The following STK3 variants were observed in gnomAD, a reference collection of about 807,000 sequenced individuals.
STK3 encodes the protein serine/threonine kinase 3, also known as serine/threonine-protein kinase 3.
Under a neutral mutation model 58.0 loss-of-function variants are expected in STK3, and 41 were observed. That is an observed-to-expected ratio of 0.71 (90% CI 0.55 to 0.92). The LOEUF (loss-of-function observed/expected upper bound fraction) is 0.92. Ranked by LOEUF, STK3 falls within the 40% of genes least tolerant of loss-of-function variation. The pLI, the probability that STK3 is intolerant of heterozygous loss-of-function variation, is 0.00. For synonymous variants in STK3, 170 were observed against 191.0 expected (o/e 0.89, Z 0.91); for missense variants, 479 against 602.7 (o/e 0.79, Z 2.15).
At chr8:98,447,047 T>C (rs1224208808) in intron 1 of STK3, among the ~76,000 whole-genome samples, 1 of 152,008 alleles carries the variant, frequency 6.6e-6, no homozygotes, top group Non-Finnish European at 1.5e-5. Flanking sequence ...TGAGAACACA[T>C]GGACACATAG....
At chr8:98,884,837 T>C (rs2131905978) in intron 1 of STK3, among the ~76,000 whole-genome samples, 2 of 152,338 alleles carry the variant, frequency 1.3e-5, no homozygotes, top group Middle Eastern at 3.4e-3. Context: ...GTACCTAAAA[T>C]AGTGTTTAGC....
chr8:98,712,826 T>C (rs1442733973), intron 4 of STK3, among the ~76,000 whole-genome samples: 4 of 152,150 alleles, frequency 2.6e-5, no homozygotes, highest in Admixed American at 2.0e-4. Flanking sequence ...ATCAACAGAA[T>C]ATACATTCTT....
intron 3 of STK3, among the ~76,000 whole-genome samples, chr8:98,842,092 A>G (rs977088103): frequency 3.3e-5 from 5 of 152,180 alleles, no homozygotes; most frequent in South Asian, 2.1e-4. Context: ...ACTATATAAA[A>G]CCTATATGAA....
downstream of STK3, among the ~76,000 whole-genome samples, chr8:98,451,885 C>CAAA (rs754984734): frequency 1.5e-4 from 11 of 74,426 alleles, no homozygotes; most frequent in African/African-American, 3.8e-4. Flanking sequence ...TCTTTCAGGC[C>CAAA]AAAAAAAAAA....
At chr8:98,381,821 C>T (rs2131001705) in intron 1 of STK3, among the ~76,000 whole-genome samples, 1 of 152,294 alleles carries the variant, frequency 6.6e-6, no homozygotes, top group South Asian at 2.1e-4. Flanking sequence ...ATGGTGCTTG[C>T]AGCAAACTTG....
chr8:98,408,547 A>C (rs4130405), intron 3 of STK3, among the ~76,000 whole-genome samples: 22,153 of 152,172 alleles, frequency 0.15, 2,711 homozygotes, highest in East Asian at 0.43. Flanking sequence ...ACGCACAACA[A>C]TTTATTCTCA....
chr8:98,716,866 T>C lies in STK3; in HGVS notation c.352-9555A>G, dbSNP rs185450279. The stretch of plus-strand genomic sequence containing the variant: ...AGAGTAGAAAACCCAGAAATAACCC[T>C]TGTATATATAATCAAATTATTTTCA... On this transcript the variant is annotated intron_variant, in intron 4 of 10. Coordinates refer to ENST00000419617, the MANE Select transcript of STK3 (RefSeq NM_006281.4). 3.1e-4 allele frequency among the ~76,000 whole-genome samples: 47 copies of C among 152,152 alleles called. No individual in the cohort carries two copies. In the East Asian group the frequency reaches 9.1e-3, roughly 29 times the overall value.
intron 2 of STK3, among the ~76,000 whole-genome samples, chr8:98,374,325 C>T (rs755115431): frequency 1.3e-5 from 2 of 152,142 alleles, no homozygotes; most frequent in African/African-American, 2.4e-5. Context: ...TCTGTCTAAG[C>T]CAACAGTCCA....
At chr8:98,799,616 C>T (rs1400686900) in intron 1 of STK3, among the ~76,000 whole-genome samples, 5 of 152,168 alleles carry the variant, frequency 3.3e-5, no homozygotes, top group African/African-American at 1.2e-4. Context: ...GCACCTTAGT[C>T]TTTCCAAGTT....
chr8:98,403,748 C>T (rs1052634593), intron 3 of STK3, among the ~76,000 whole-genome samples: 1 of 152,162 alleles, frequency 6.6e-6, no homozygotes, highest in Non-Finnish European at 1.5e-5. Flanking sequence ...ACCCTTGTTA[C>T]AAAGTAGACT....
At chr8:98,900,430 A>G (rs2131950244) in intron 1 of STK3, among the ~76,000 whole-genome samples, 2 of 152,242 alleles carry the variant, frequency 1.3e-5, no homozygotes, top group Admixed American at 1.3e-4. Context: ...ATTGAACATT[A>G]CCACAAGCAC....
intron 8 of STK3, among the ~76,000 whole-genome samples, chr8:98,560,077 G>A (rs1811891739): frequency 6.6e-6 from 1 of 151,996 alleles, no homozygotes; most frequent in Non-Finnish European, 1.5e-5. Flanking sequence ...TCATTAGATT[G>A]CAATCTTCTT....
intron 10 of STK3, among the ~76,000 whole-genome samples, chr8:98,477,266 T>A (rs181109947): frequency 6.6e-6 from 1 of 151,954 alleles, no homozygotes; most frequent in Non-Finnish European, 1.5e-5. Context: ...CTTCATTTCC[T>A]TACAAAGGCT....
chr8:98,564,401 C>T (rs976507203), intron 8 of STK3, among the ~76,000 whole-genome samples: 5 of 151,870 alleles, frequency 3.3e-5, no homozygotes, highest in Non-Finnish European at 7.4e-5. Context: ...GTGAAATTAG[C>T]CAAGCACAGA....
chr8:98,726,653 G>A (rs1827817993), intron 4 of STK3, among the ~76,000 whole-genome samples: 1 of 152,170 alleles, frequency 6.6e-6, no homozygotes, highest in South Asian at 2.1e-4. Flanking sequence ...CCCACTCAGA[G>A]TCAGAAAATC....
At chr8:98,621,801 C>G (rs1216631249) in intron 6 of STK3, among the ~76,000 whole-genome samples, 1 of 151,938 alleles carries the variant, frequency 6.6e-6, no homozygotes, top group African/African-American at 2.4e-5. Flanking sequence ...AATAAAGCAA[C>G]ATATCTATAT....
At chr8:98,834,554 G>C (rs551894597) in intron 3 of STK3, among the ~76,000 whole-genome samples, 1 of 152,306 alleles carries the variant, frequency 6.6e-6, no homozygotes, top group East Asian at 1.9e-4. Context: ...GAAAACATAA[G>C]GAGGCTAGGA....
rs151187334 is a variant in STK3, at chr8:98,489,182, G to C, written c.1318-33182C>G. ...ATTTCCTTAGATTACATTCCTAGAA[G>C]TGAGTGAGAGGATATGAAAACATAA... On this transcript the variant is annotated intron_variant, in intron 10 of 10. Coordinates refer to ENST00000419617, the MANE Select transcript of STK3 (RefSeq NM_006281.4). Among the ~76,000 whole-genome samples the C allele has an allele frequency of 2.2e-3, 336 of 152,102 alleles. 2 individuals carry two copies. Among genetic ancestry groups the C allele is most frequent in the African/African-American group, 7.0e-3 (289 of 41,472 alleles).
intron 3 of STK3, among the ~76,000 whole-genome samples, chr8:98,757,631 T>C (rs1387014229): frequency 2.1e-5 from 3 of 146,096 alleles, no homozygotes; most frequent in Non-Finnish European, 3.0e-5. Flanking sequence ...ACCAATAGGC[T>C]CAGACAGTTC....
Sources: gnomAD v4.1 joint callset for allele counts (sites outside exome capture counted in the v4.1 genomes callset) on GRCh38, gnomAD v4.1.1 for gene constraint, MANE v1.5 for transcripts, NCBI Gene and HGNC (gene_info 2026-07-23, HGNC 2026-07-21) for gene names.